Variants in RCOR1 observed in about 807,000 individuals in gnomAD.
RCOR1 encodes the protein REST corepressor.
RCOR1 carries 12 observed loss-of-function variants against 64.0 expected under a neutral mutation model. The observed-to-expected ratio is 0.19, with a 90% CI of 0.12 to 0.30. The LOEUF is 0.30. Ranked by LOEUF, RCOR1 falls within the 10% of genes least tolerant of loss-of-function variation. The pLI, the probability that RCOR1 is intolerant of heterozygous loss-of-function variation, is 1.00. For missense variants in RCOR1, 502 were observed against 621.2 expected, an observed-to-expected ratio of 0.81 and a Z score of 2.04; for synonymous variants, 279 against 227.2, an observed-to-expected ratio of 1.23 and a Z score of -2.05.
intron 2 of RCOR1, among the ~76,000 whole-genome samples, chr14:102,630,294 A>G (rs1187741741): frequency 6.6e-6 from 1 of 151,958 alleles, no homozygotes; most frequent in Non-Finnish European, 1.5e-5. Flanking sequence ...GCTCCCCTTC[A>G]CCTTCCGCCA....
Position 102,701,295 on chromosome 14 carries a change from A to G in RCOR1, c.463A>G (p.Ile155Val), listed in dbSNP as rs1595237179. The G allele has an allele frequency of 1.2e-6, 2 of 1,613,146 alleles. No individual in the cohort carries two copies. The highest frequency in any genetic ancestry group is 8.5e-7 in the Non-Finnish European group (1 of 1,179,592). The change falls in exon 4 of 12, where the codon ATT becomes GTT. Residue 155 changes from isoleucine (I) to valine (V), a missense_variant. Physicochemically the swap from Ile to Val is conservative, Grantham distance 29. This residue lies in a region of RCOR1 where 260 missense variants were observed against 416.4 expected (regional missense o/e 0.62). Transcript: ENST00000262241. ...TTTTTCAGTGGATGAATACATTGCC[A>G]TTGCCAAAGAAAAGCATGGGTACAA... ...SEAKLDEYIA[I>V]AKEKHGYNME...
chr14:102,601,954 T>C (rs977538024), intron 2 of RCOR1, among the ~76,000 whole-genome samples: 2 of 151,600 alleles, frequency 1.3e-5, no homozygotes, highest in African/African-American at 4.9e-5. Flanking sequence ...AGATCAGGAG[T>C]TCGAGACCAG....
intron 2 of RCOR1, among the ~76,000 whole-genome samples, chr14:102,676,632 G>A (rs1177137024): frequency 9.1e-6 from 1 of 109,628 alleles, no homozygotes; most frequent in African/African-American, 3.8e-5. Context: ...CAGGTGGGGG[G>A]CTGATCCCCC....
At chr14:102,707,221 T>C in intron 4 of RCOR1, 130 bp from the exon 5 acceptor site, 2 of 661,948 alleles carry the variant, frequency 3.0e-6, no homozygotes, top group South Asian at 4.7e-5. Context: ...TGACAGTGTC[T>C]GCCACTTAGC....
intron 2 of RCOR1, among the ~76,000 whole-genome samples, chr14:102,616,206 A>ATGTGTG (rs56991991): frequency 4.2e-4 from 63 of 149,262 alleles, no homozygotes; most frequent in East Asian, 3.8e-3. Flanking sequence ...ACATGTGTAT[A>ATGTGTG]TGTGTGTGTG....
At chr14:102,639,357 T>C (rs1233921121) in intron 2 of RCOR1, among the ~76,000 whole-genome samples, 1 of 150,242 alleles carries the variant, frequency 6.7e-6, no homozygotes, top group African/African-American at 2.4e-5. Context: ...CTGGACCTCC[T>C]GGACACAAAT....
intron 8 of RCOR1, among the ~76,000 whole-genome samples, chr14:102,716,888 T>C (rs1479953745): frequency 6.6e-6 from 1 of 152,210 alleles, no homozygotes; most frequent in Non-Finnish European, 1.5e-5. Context: ...TGATTGGGAT[T>C]GTATTGCATC....
In RCOR1 at chr14:102,681,955, A is replaced by G. The variant is rs376431110; in HGVS notation, c.422A>G (p.Asn141Ser). 2.7e-5 allele frequency: 44 copies of G among 1,613,494 alleles called. No homozygotes were observed. The highest frequency in any genetic ancestry group is 3.6e-5 in the Non-Finnish European group (43 of 1,179,556). ...CTTGGCATGTTGGTCTGGTCACCCA[A>G]TCAAAATCTGTCAGAAGCAAAGTGT... ...DNLGMLVWSP[N>S]QNLSEAKLDE... Residue 141 changes from asparagine (N) to serine (S), a missense_variant, in exon 3 of 12, where the codon AAT becomes AGT. Around this residue, in one of 2 missense-constraint regions of RCOR1, gnomAD observed 242 missense variants for 204.9 expected, o/e 1.18. Transcript: ENST00000262241.
intron 11 of RCOR1, among the ~76,000 whole-genome samples, chr14:102,724,780 G>C (rs1028792668): frequency 6.6e-6 from 1 of 152,220 alleles, no homozygotes; most frequent in Admixed American, 6.5e-5. Flanking sequence ...AAGGGAACTT[G>C]TTAGAATGCT....
intron 2 of RCOR1, among the ~76,000 whole-genome samples, chr14:102,679,990 T>C (rs1364004301): frequency 6.6e-6 from 1 of 152,188 alleles, no homozygotes; most frequent in Non-Finnish European, 1.5e-5. Context: ...CATTGAATCT[T>C]TAGAGCAGTT....
At chr14:102,663,358 G>A (rs942050858) in intron 2 of RCOR1, among the ~76,000 whole-genome samples, 1 of 152,210 alleles carries the variant, frequency 6.6e-6, no homozygotes, top group African/African-American at 2.4e-5. Context: ...CTAGTGGACA[G>A]GTTTTCTATG....
chr14:102,668,021 T>A (rs1894950396), intron 2 of RCOR1, among the ~76,000 whole-genome samples: 1 of 152,088 alleles, frequency 6.6e-6, no homozygotes, highest in Non-Finnish European at 1.5e-5. Flanking sequence ...CAGTGTTAGA[T>A]GTTATGGCAT....
rs1896316314 is a variant in RCOR1 at position 102,728,641 on chromosome 14, A to G, written c.*2135A>G. The G allele has an allele frequency of 6.6e-6, 1 of 152,216 alleles. No individual in the cohort carries two copies. The highest frequency in any genetic ancestry group is 2.4e-5 in the African/African-American group (1 of 41,518). 9.4% of individuals were successfully genotyped at this position (152,216 alleles called of 1,614,324 possible). A position where few individuals can be genotyped will look rare whatever the true frequency, so the allele number is the denominator to read the frequency against. ...GGCAGTGCTTGGAAGCTTGATGCTA[A>G]TTTTTATATAGCGTGGCAAACTGAC... On this transcript the variant is annotated 3_prime_UTR_variant, in exon 12 of 12. Coordinates refer to ENST00000262241, the MANE Select transcript of RCOR1 (RefSeq NM_015156.4).
At chr14:102,651,476 C>T (rs1362380526) in intron 2 of RCOR1, among the ~76,000 whole-genome samples, 1 of 151,514 alleles carries the variant, frequency 6.6e-6, no homozygotes, top group East Asian at 1.9e-4. Context: ...TTGCTTGAAC[C>T]TGGAAGGCAG....
At chr14:102,603,121 C>G (rs1476768061) in intron 2 of RCOR1, among the ~76,000 whole-genome samples, 1 of 148,070 alleles carries the variant, frequency 6.8e-6, no homozygotes, top group Admixed American at 6.7e-5. Context: ...CTCTTGTCGC[C>G]CAGGCTGGAG....
At chr14:102,619,134 T>C in intron 2 of RCOR1, among the ~76,000 whole-genome samples, 1 of 133,098 alleles carries the variant, frequency 7.5e-6, no homozygotes, top group African/African-American at 3.3e-5. Flanking sequence ...GTCTTTATAT[T>C]TTTTGAGACG....
intron 2 of RCOR1, among the ~76,000 whole-genome samples, chr14:102,658,923 GT>G (rs1333314823): frequency 6.6e-6 from 1 of 152,118 alleles, no homozygotes; most frequent in African/African-American, 2.4e-5. Flanking sequence ...AATGTTAATC[GT>G]GGCCAAGGTT....
chr14:102,620,544 A>G (rs1444380623), intron 2 of RCOR1, among the ~76,000 whole-genome samples: 1 of 152,068 alleles, frequency 6.6e-6, no homozygotes, highest in East Asian at 1.9e-4. Flanking sequence ...TTCAGCATCA[A>G]CAAGAGCGAA....
intron 2 of RCOR1, among the ~76,000 whole-genome samples, chr14:102,605,426 CAA>C (rs528232652): frequency 4.3e-4 from 66 of 152,246 alleles, no homozygotes; most frequent in African/African-American, 1.4e-3. Context: ...TATTGCAAAA[CAA>C]ATGTCATTTT....
Sources: allele counts gnomAD v4.1 joint callset (sites outside exome capture counted in the v4.1 genomes callset), GRCh38; gene constraint gnomAD v4.1.1; regional missense constraint gnomAD v4.1.1; transcripts MANE v1.5; gene names NCBI Gene and HGNC (gene_info 2026-07-23, HGNC 2026-07-21).